INTS13: variants seen among roughly 807,000 people sequenced by gnomAD.
INTS13 encodes asunder, spermatogenesis regulator homolog (Drosphila).
Under a neutral mutation model 90.2 loss-of-function variants are expected in INTS13, and 35 were observed. The observed-to-expected ratio is 0.39, with a 90% CI of 0.30 to 0.51. The LOEUF (loss-of-function observed/expected upper bound fraction) is 0.51, where lower values mean the gene tolerates loss of function less well. INTS13 is among the 20% of genes least tolerant of loss of function. INTS13 has a pLI of 0.80. For synonymous variants in INTS13, 309 were observed against 277.1 expected (o/e 1.11, Z -1.14); for missense variants, 601 against 851.2 (o/e 0.71, Z 3.66).
chr12:26,930,769 AC>A (rs1938144012), intron 3 of INTS13, among the ~76,000 whole-genome samples: 1 of 152,148 alleles, frequency 6.6e-6, no homozygotes, highest in South Asian at 2.1e-4. Flanking sequence ...ACAAATCTAC[AC>A]AGATATGTAC....
chr12:26,905,531 T>A lies in INTS13; in HGVS notation c.2087A>T (p.Glu696Val). The A allele has an allele frequency of 6.2e-7, 1 of 1,612,094 alleles. No homozygotes were observed. Among genetic ancestry groups the A allele is most frequent in the Non-Finnish European group, 8.5e-7 (1 of 1,179,244 alleles). Residue 696 changes from glutamate (E) to valine (V), a missense_variant, in exon 17 of 17, where the codon GAG (glutamate) becomes GTG (valine). Around this residue, in one of 3 missense-constraint regions of INTS13, gnomAD observed 228 missense variants for 272.5 expected, o/e 0.84. Coordinates refer to ENST00000261191, the MANE Select transcript of INTS13 (RefSeq NM_018164.3). ...YQHLKEENGM[E>V]TTENGKASRQ ...GCTGGCTTTTCCATTTTCTGTTGTC[T>A]CCATCCTGAAATAGGAAGAAAAAAA...
chr12:26,914,286 T>A lies in INTS13; in HGVS notation c.1419+122A>T, dbSNP rs1211392412. 6 of 1,209,934 alleles carry A rather than the reference T, an allele frequency of 5.0e-6. No homozygotes were observed. In the African/African-American group the frequency reaches 7.8e-5, roughly 16 times the overall value. 74.9% of individuals were successfully genotyped at this position (1,209,934 alleles called of 1,614,324 possible). A position where few individuals can be genotyped will look rare whatever the true frequency, so the allele number is the denominator to read the frequency against. ...TTTTTAATTATTAATTCTTTAACTT[T>A]AGCAAGCTCATATATTTCATTCTTT... On this transcript the variant is annotated intron_variant, in intron 12 of 16. Transcript: ENST00000261191.
At chr12:26,913,710 C>T in intron 13 of INTS13, 23 bp from the exon 14 acceptor site, 1 of 1,556,178 alleles carries the variant, frequency 6.4e-7, no homozygotes, top group Non-Finnish European at 8.8e-7. Context: ...TTTGGAAATA[C>T]TCTTTAAATA....
chr12:26,932,533 T>C (rs1474332504), intron 3 of INTS13, among the ~76,000 whole-genome samples: 2 of 152,174 alleles, frequency 1.3e-5, no homozygotes, highest in Admixed American at 6.5e-5. Context: ...CAAATATGGA[T>C]ACCAAAAGCA....
At chr12:26,925,676 C>A in intron 6 of INTS13, 85 bp downstream of exon 6, 1 of 1,101,212 alleles carries the variant, frequency 9.1e-7, no homozygotes, top group Admixed American at 2.3e-5. Context: ...AAAATATTGG[C>A]AATGGATCAT....
intron 10 of INTS13, 57 bp downstream of exon 10, chr12:26,917,291 TAATA>T (rs1157515621): frequency 1.2e-5 from 6 of 493,552 alleles, no homozygotes; most frequent in Non-Finnish European, 1.6e-5. Context: ...AATAATTTAA[TAATA>T]AATAATTCAA....
At chr12:26,931,160 A>G (rs1383052783) in intron 3 of INTS13, among the ~76,000 whole-genome samples, 3 of 151,836 alleles carry the variant, frequency 2.0e-5, no homozygotes, top group Admixed American at 2.0e-4. Context: ...ACAGAAAAAG[A>G]AGCCGGGCAC....
chr12:26,921,352 T>A (rs1323771813), intron 8 of INTS13, among the ~76,000 whole-genome samples: 1 of 152,216 alleles, frequency 6.6e-6, no homozygotes, highest in East Asian at 1.9e-4. Context: ...CTCTTTCGAG[T>A]TTGCTCCTAT....
intron 7 of INTS13, 136 bp from the exon 8 acceptor site, chr12:26,922,836 A>G (rs1937661680): frequency 5.9e-6 from 3 of 510,104 alleles, no homozygotes; most frequent in Non-Finnish European, 1.0e-5. Context: ...TAATGGGATA[A>G]TCTATTTAAA....
chr12:26,916,305 A>C, intron 10 of INTS13, 125 bp from the exon 11 acceptor site: 1 of 849,036 alleles, frequency 1.2e-6, no homozygotes, highest in East Asian at 2.7e-5. Flanking sequence ...CAGCATTGCT[A>C]ATTTAGTGTA....
intron 11 of INTS13, among the ~76,000 whole-genome samples, 161 bp from the exon 12 acceptor site, chr12:26,914,739 G>T (rs1203727124): frequency 6.6e-6 from 1 of 152,092 alleles, no homozygotes; most frequent in Non-Finnish European, 1.5e-5. Flanking sequence ...TATCCTTTCT[G>T]AACTTGAAAC....
chr12:26,936,305 C>G (rs767116921), intron 2 of INTS13, among the ~76,000 whole-genome samples: 1 of 152,190 alleles, frequency 6.6e-6, no homozygotes, highest in African/African-American at 2.4e-5. Flanking sequence ...CAGTTCCTAC[C>G]TAACATGACT....
chr12:26,915,986 GATATTA>G lies in INTS13; in HGVS notation c.1248+10_1248+15del. 1 of 1,556,942 alleles carries G rather than the reference GATATTA, an allele frequency of 6.4e-7. No individual in the cohort carries two copies. The highest frequency in any genetic ancestry group is 1.4e-5 in the African/African-American group (1 of 72,910). On this transcript the variant is annotated intron_variant, in intron 11 of 16. Transcript: ENST00000261191. The stretch of plus-strand genomic sequence containing the variant: ...ACAGATTCAAAACTTAAAATTTATA[GATATTA>G]GAGTCTTACTGTAATCCGGTAGTCT...
Position 26,928,732 on chromosome 12 carries a change from T to A in INTS13, c.474A>T (p.Gly158=). 6.2e-7 allele frequency: 1 copy of A among 1,614,106 alleles called. No individual in the cohort carries two copies. The highest frequency in any genetic ancestry group is 8.5e-7 in the Non-Finnish European group (1 of 1,180,032). The change falls in exon 4 of 17, where the codon GGA becomes GGT. Residue 158 remains glycine (G), a synonymous_variant. Transcript: ENST00000261191. ...TTGCATTAGTAATACAGATTATTCGTCCTCTATTTCCAACACGTTCTGCAT... is the reference window on the plus strand; with the variant it reads ...TTGCATTAGTAATACAGATTATTCGACCTCTATTTCCAACACGTTCTGCAT... ...MENAERVGNR[G]RIICITNAKS... is the part of the protein sequence containing the mutation.
upstream of INTS13, chr12:26,938,217 C>A (rs1938591326): frequency 6.6e-6 from 1 of 152,482 alleles, no homozygotes; most frequent in African/African-American, 2.4e-5. Context: ...CTGAAAGCCT[C>A]CCCAACAGCG....
chr12:26,929,361 T>G (rs1938061355), intron 3 of INTS13, among the ~76,000 whole-genome samples: 1 of 152,162 alleles, frequency 6.6e-6, no homozygotes. Flanking sequence ...AGATGTTTAC[T>G]CTCATCACTT....
chr12:26,926,766 T>C (rs116726335), intron 5 of INTS13, among the ~76,000 whole-genome samples: 1,715 of 152,312 alleles, frequency 0.011, 27 homozygotes, highest in African/African-American at 0.039. Context: ...CTTAAGTTCA[T>C]TGGAATTTCC....
At chr12:26,931,948 G>A (rs1298428288) in intron 3 of INTS13, among the ~76,000 whole-genome samples, 5 of 152,010 alleles carry the variant, frequency 3.3e-5, no homozygotes, top group African/African-American at 4.8e-5. Flanking sequence ...TCAGCCGGAC[G>A]TGGTGGCAGG....
At chr12:26,920,356 C>T (rs1952075166) in intron 8 of INTS13, among the ~76,000 whole-genome samples, 1 of 151,820 alleles carries the variant, frequency 6.6e-6, no homozygotes, top group African/African-American at 2.4e-5. Flanking sequence ...GCCAAGTCAA[C>T]AACTATTTTA....
Sources: allele counts gnomAD v4.1 joint callset (sites outside exome capture counted in the v4.1 genomes callset), GRCh38; gene constraint gnomAD v4.1.1; regional missense constraint gnomAD v4.1.1; transcripts MANE v1.5; gene names NCBI Gene and HGNC (gene_info 2026-07-23, HGNC 2026-07-21).